Variants in SLC36A1 observed in about 807,000 individuals in gnomAD.
The protein encoded by SLC36A1 is solute carrier family 36 member 1, also known as proton-coupled amino acid transporter 1.
SLC36A1 carries 30 observed loss-of-function variants against 47.5 expected under a neutral mutation model. That is an observed-to-expected ratio of 0.63 (90% CI 0.47 to 0.86). The LOEUF (loss-of-function observed/expected upper bound fraction) is 0.86, where lower values mean the gene tolerates loss of function less well. Ranked by LOEUF, SLC36A1 falls within the 40% of genes least tolerant of loss-of-function variation. SLC36A1 has a pLI of 0.00. For missense variants in SLC36A1, 517 were observed against 606.0 expected (o/e 0.85, Z 1.54); for synonymous variants, 255 against 249.7 (o/e 1.02, Z -0.20).
At chr5:151,455,894 G>A (rs565013204) in intron 1 of SLC36A1, among the ~76,000 whole-genome samples, 1 of 152,294 alleles carries the variant, frequency 6.6e-6, no homozygotes, top group South Asian at 2.1e-4. Flanking sequence ...GCTGTACATT[G>A]TTGGACTATA....
the SLC36A1 span, among the ~76,000 whole-genome samples, chr5:151,384,985 T>TGG: frequency 3.3e-5 from 4 of 120,612 alleles, no homozygotes; most frequent in Non-Finnish European, 6.8e-5. Context: ...TGTGTGTGTG[T>TGG]GGGTGTGTGA....
the SLC36A1 span, among the ~76,000 whole-genome samples, chr5:151,516,754 A>G: frequency 6.6e-6 from 1 of 152,172 alleles, no homozygotes; most frequent in East Asian, 1.9e-4. Context: ...GATGCTCAAT[A>G]AATCTGTTTT....
At chr5:151,555,750 G>A in the SLC36A1 span, among the ~76,000 whole-genome samples, 1 of 152,204 alleles carries the variant, frequency 6.6e-6, no homozygotes, top group African/African-American at 2.4e-5. Flanking sequence ...TCCTGCTGAG[G>A]AATATGTATT....
At chr5:151,501,669 G>C in the SLC36A1 span, among the ~76,000 whole-genome samples, 3 of 148,440 alleles carry the variant, frequency 2.0e-5, no homozygotes, top group Non-Finnish European at 4.4e-5. Context: ...GACAATATGA[G>C]ATAGCTATTA....
intron 1 of SLC36A1, among the ~76,000 whole-genome samples, chr5:151,455,837 G>T (rs964872216): frequency 6.6e-6 from 1 of 152,190 alleles, no homozygotes; most frequent in African/African-American, 2.4e-5. Context: ...AAAGTGACTT[G>T]ACAGGAATTC....
the SLC36A1 span, chr5:151,521,419 A>G: frequency 1.2e-6 from 2 of 1,614,194 alleles, no homozygotes; most frequent in Non-Finnish European, 1.7e-6. Context: ...CTGGCAGGGC[A>G]CCATGGGCAT....
the SLC36A1 span, among the ~76,000 whole-genome samples, chr5:151,408,242 G>A: frequency 2.6e-5 from 4 of 152,184 alleles, no homozygotes; most frequent in African/African-American, 9.6e-5. Context: ...AGGCTGGAGT[G>A]CAGTGGTGCG....
chr5:151,532,498 T>C, the SLC36A1 span, among the ~76,000 whole-genome samples: 1 of 152,106 alleles, frequency 6.6e-6, no homozygotes, highest in African/African-American at 2.4e-5. Context: ...CCAATGTCAG[T>C]TTTCCAGTTT....
intron 7 of SLC36A1, among the ~76,000 whole-genome samples, chr5:151,469,911 C>T (rs527470198): frequency 3.3e-5 from 5 of 152,148 alleles, no homozygotes; most frequent in Non-Finnish European, 4.4e-5. Flanking sequence ...GATATAGTTT[C>T]CAGGAAGACA....
the SLC36A1 span, among the ~76,000 whole-genome samples, chr5:151,357,904 T>C: frequency 6.6e-6 from 1 of 152,176 alleles, no homozygotes; most frequent in African/African-American, 2.4e-5. Flanking sequence ...GATTTAACAG[T>C]GTTTAATTGA....
chr5:151,486,297 G>A (rs151755), intron 10 of SLC36A1, among the ~76,000 whole-genome samples: 22,104 of 152,008 alleles, frequency 0.15, 1,984 homozygotes, highest in Non-Finnish European at 0.21. Context: ...TTGCCCCCAC[G>A]ACTCAAACAC....
chr5:151,364,014 T>C, the SLC36A1 span, among the ~76,000 whole-genome samples: 1 of 152,234 alleles, frequency 6.6e-6, no homozygotes, highest in Non-Finnish European at 1.5e-5. Flanking sequence ...TATAGTTAAT[T>C]TTATGCAGTT....
chr5:151,509,856 G>T, the SLC36A1 span: 1 of 722,392 alleles, frequency 1.4e-6, no homozygotes, highest in South Asian at 2.3e-5. Context: ...ACCGGTCCCT[G>T]GTGCCAAAAA....
chr5:151,366,885 C>T, the SLC36A1 span, among the ~76,000 whole-genome samples: 3 of 152,098 alleles, frequency 2.0e-5, no homozygotes, highest in African/African-American at 4.8e-5. Context: ...TCGGTAAGAC[C>T]GTGATGCCCA....
the SLC36A1 span, chr5:151,511,278 TGAC>T: frequency 6.6e-6 from 1 of 152,216 alleles, no homozygotes. Context: ...TGTCACATGT[TGAC>T]AGGCATGTGG....
chr5:151,548,030 T>C, the SLC36A1 span, among the ~76,000 whole-genome samples: 151 of 152,336 alleles, frequency 9.9e-4, 1 homozygote, highest in African/African-American at 3.5e-3. Context: ...GTCAATGAGA[T>C]AAAAGATGTG....
upstream of SLC36A1, among the ~76,000 whole-genome samples, chr5:151,434,234 C>T (rs556165851): frequency 1.2e-4 from 18 of 151,978 alleles, no homozygotes; most frequent in South Asian, 2.5e-3. Flanking sequence ...ATGATACAAA[C>T]GAAAAGTAGC....
chr5:151,506,203 G>A, the SLC36A1 span: 8 of 1,214,864 alleles, frequency 6.6e-6, no homozygotes, highest in African/African-American at 1.2e-4. Context: ...GATGGGAGTG[G>A]GTGGGCATAG....
chr5:151,507,228 A>G, the SLC36A1 span: 1 of 1,613,624 alleles, frequency 6.2e-7, no homozygotes, highest in Non-Finnish European at 8.5e-7. Context: ...AGCTGGCGGG[A>G]GTCTGGGGGG....
Sources: allele counts gnomAD v4.1 joint callset (sites outside exome capture counted in the v4.1 genomes callset), GRCh38; gene constraint gnomAD v4.1.1; transcripts MANE v1.5; gene names NCBI Gene and HGNC (gene_info 2026-07-23, HGNC 2026-07-21).